COQ5: variants seen among roughly 807,000 people sequenced by gnomAD.
COQ5 encodes the protein coenzyme Q5, methyltransferase.
A neutral mutation model predicts 40.5 loss-of-function variants in COQ5; 27 were observed. The ratio of observed to expected loss-of-function variants is 0.67; its 90% CI spans 0.49 to 0.92. The LOEUF (loss-of-function observed/expected upper bound fraction) is 0.92, where lower values mean the gene tolerates loss of function less well. Ranked by LOEUF, COQ5 falls within the 40% of genes least tolerant of loss-of-function variation. The pLI is 0.00. For missense variants in COQ5, 409 were observed against 406.4 expected (o/e 1.01, Z -0.06); for synonymous variants, 141 against 150.0 (o/e 0.94, Z 0.44).
At chr12:120,516,429 C>T in intron 3 of COQ5, 138 bp downstream of exon 3, 3 of 787,696 alleles carry the variant, frequency 3.8e-6, no homozygotes, top group Non-Finnish European at 6.7e-6. Flanking sequence ...CTAGATTCAG[C>T]CATGCAAATC....
chr12:120,504,813 G>T, intron 5 of COQ5, 82 bp downstream of exon 5: 1 of 1,175,292 alleles, frequency 8.5e-7, no homozygotes, highest in Non-Finnish European at 1.3e-6. Flanking sequence ...CATGCTTATA[G>T]CTTACTGGCT....
intron 1 of COQ5, 132 bp downstream of exon 1, chr12:120,528,805 CAAA>C (rs35915101): frequency 5.7e-5 from 42 of 741,226 alleles, no homozygotes; most frequent in Non-Finnish European, 6.9e-5. Flanking sequence ...ATTCTGTCTC[CAAA>C]AAAAAAAAAA....
At chr12:120,523,953 T>C in intron 1 of COQ5, 1 of 415,588 alleles carries the variant, frequency 2.4e-6, no homozygotes, top group Admixed American at 2.6e-5. Flanking sequence ...GAGGTTGCAG[T>C]GAGCTGAAAT....
chr12:120,511,455 C>T (rs915192196), intron 3 of COQ5, among the ~76,000 whole-genome samples: 1 of 151,852 alleles, frequency 6.6e-6, no homozygotes, highest in African/African-American at 2.4e-5. Flanking sequence ...CTACCATTAT[C>T]CTCATGTTTC....
intron 1 of COQ5, chr12:120,522,979 T>C (rs763134903): frequency 7.0e-6 from 4 of 571,606 alleles, no homozygotes; most frequent in Non-Finnish European, 1.2e-5. Context: ...TTGTGCTTCT[T>C]GGCAAAGCGC....
At chr12:120,528,907 G>C (rs755392332) in intron 1 of COQ5, 33 bp downstream of exon 1, 2 of 1,596,270 alleles carry the variant, frequency 1.3e-6, no homozygotes, top group Non-Finnish European at 1.7e-6. Context: ...TGGACGGTCA[G>C]ATCCCTCCCA....
chr12:120,505,703 C>T (rs1868849695), intron 4 of COQ5, among the ~76,000 whole-genome samples: 1 of 151,616 alleles, frequency 6.6e-6, no homozygotes, highest in South Asian at 2.1e-4. Context: ...ATTACAGGCA[C>T]GTACCACCAC....
At chr12:120,518,837 C>T (rs1264414357) in intron 2 of COQ5, among the ~76,000 whole-genome samples, 1 of 152,232 alleles carries the variant, frequency 6.6e-6, no homozygotes, top group African/African-American at 2.4e-5. Flanking sequence ...GCTGGGATTA[C>T]AGGCGTGAGC....
At position 120,517,868 on chromosome 12, in the gene COQ5, C is replaced by G. The variant is rs892908855; in HGVS notation, c.353-1080G>C. On this transcript the variant is annotated intron_variant, in intron 2 of 6. Coordinates refer to ENST00000288532, the MANE Select transcript of COQ5 (RefSeq NM_032314.4). ...TGTTGCCCAGGCTGGAGTGCAATGG[C>G]GCGATCTGAGCTCACTGCAACCTCT... is the stretch of plus-strand genomic sequence containing the variant. Among the ~76,000 whole-genome samples the G allele has an allele frequency of 3.3e-5, 5 of 150,960 alleles. No individual in the cohort carries two copies. In the East Asian group the frequency reaches 1.0e-3, roughly 30 times the overall value.
At chr12:120,504,798 A>G (rs1868805829) in intron 5 of COQ5, 97 bp downstream of exon 5, 2 of 1,042,338 alleles carry the variant, frequency 1.9e-6, no homozygotes, top group Non-Finnish European at 3.0e-6. Context: ...CTGAACTACA[A>G]AGTTCATGCT....
At chr12:120,518,637 T>C (rs147065617) in intron 2 of COQ5, among the ~76,000 whole-genome samples, 1,581 of 151,882 alleles carry the variant, frequency 0.01, 30 homozygotes, top group African/African-American at 0.037. Flanking sequence ...CGATCTCAGC[T>C]CACTGCAACC....
rs1022452115 is a variant in COQ5, at chr12:120,505,070, C to T, written c.682-87G>A. 8.1e-6 allele frequency: 9 copies of T among 1,116,800 alleles called. No homozygotes were observed. In the Admixed American group the frequency reaches 9.2e-5, roughly 11 times the overall value. The allele number at this position is 1,116,800 out of a possible 1,614,324, so 69.2% of individuals were successfully genotyped here. A position where few individuals can be genotyped will look rare whatever the true frequency, so the allele number is the denominator to read the frequency against. On this transcript the variant is annotated intron_variant, in intron 4 of 6. Coordinates refer to ENST00000288532, the MANE Select transcript of COQ5 (RefSeq NM_032314.4). ...CCAAGACAGCTTTAGCTTCTGCAGG[C>T]ATTAAAAAAGTTATCATGGCCCACA...
rs1020997125 is a variant in COQ5 at position 120,503,987 on chromosome 12, G to C, written c.865C>G (p.Arg289Gly). 10 of 1,611,928 alleles carry C rather than the reference G, an allele frequency of 6.2e-6. No individual in the cohort carries two copies. The highest frequency in any genetic ancestry group is 7.6e-6 in the Non-Finnish European group (9 of 1,178,016). ...TTTCATACCTGAGACGGAAACCTTC[G>C]GATACTCTCTACAAGGTACTGATAG... Reference protein sequence around the residue: ...KSYQYLVESIRRFPSQEEFKD... With the variant: ...KSYQYLVESIGRFPSQEEFKD... Residue 289 changes from arginine to glycine, a missense_variant, in exon 6 of 7, where the codon CGA becomes GGA. Arg to Gly is a moderately radical substitution (Grantham distance 125, BLOSUM62 -2). Coordinates refer to ENST00000288532, the MANE Select transcript of COQ5 (RefSeq NM_032314.4).
intron 3 of COQ5, among the ~76,000 whole-genome samples, chr12:120,513,538 C>CTT (rs756768156): frequency 4.3e-5 from 6 of 139,648 alleles, no homozygotes; most frequent in Non-Finnish European, 1.6e-5. Flanking sequence ...TACACATTAA[C>CTT]TTTTTTTTTT....
chr12:120,523,025 A>T, intron 1 of COQ5: 1 of 502,672 alleles, frequency 2.0e-6, no homozygotes, highest in Non-Finnish European at 3.5e-6. Flanking sequence ...CTCCCTTAAG[A>T]GATTCTTATA....
At chr12:120,507,081 G>A (rs1464721722) in intron 4 of COQ5, among the ~76,000 whole-genome samples, 1 of 151,980 alleles carries the variant, frequency 6.6e-6, no homozygotes, top group Non-Finnish European at 1.5e-5. Context: ...TGATCTGCCC[G>A]CCTCGGCCTC....
intron 3 of COQ5, among the ~76,000 whole-genome samples, chr12:120,510,355 C>G (rs981340291): frequency 6.6e-6 from 1 of 151,788 alleles, no homozygotes; most frequent in African/African-American, 2.4e-5. Flanking sequence ...GCTTTCTCAC[C>G]CAGGCTGGAG....
At chr12:120,510,285 AT>A (rs1869069491) in intron 3 of COQ5, among the ~76,000 whole-genome samples, 162 bp from the exon 4 acceptor site, 1 of 151,738 alleles carries the variant, frequency 6.6e-6, no homozygotes, top group East Asian at 1.9e-4. Context: ...ATATATACAT[AT>A]TTTTCCTTTT....
intron 2 of COQ5, among the ~76,000 whole-genome samples, chr12:120,520,779 C>A (rs971200010): frequency 6.6e-6 from 1 of 151,970 alleles, no homozygotes; most frequent in Admixed American, 6.6e-5. Context: ...TTAACATGTA[C>A]GATGACATCA....
Sources: allele counts gnomAD v4.1 joint callset (sites outside exome capture counted in the v4.1 genomes callset), GRCh38; gene constraint gnomAD v4.1.1; transcripts MANE v1.5; gene names NCBI Gene and HGNC (gene_info 2026-07-23, HGNC 2026-07-21).